The following RAI14 variants were observed in gnomAD, a reference collection of about 807,000 sequenced individuals.
The protein encoded by RAI14 is retinoic acid induced 14.
RAI14 carries 45 observed loss-of-function variants against 115.4 expected under a neutral mutation model. The observed-to-expected ratio is 0.39, with a 90% CI of 0.31 to 0.50. The LOEUF is 0.50. Ranked by LOEUF, RAI14 falls within the 20% of genes least tolerant of loss-of-function variation. The probability of loss-of-function intolerance (pLI) is 0.85; values close to 1 mark genes in which losing one functional copy is unlikely to be tolerated. For missense variants in RAI14, 939 were observed against 1,131.2 expected (o/e 0.83, Z 2.44); for synonymous variants, 371 against 415.4 (o/e 0.89, Z 1.30).
intron 3 of RAI14, 200 bp downstream of exon 3, chr5:34,757,798 A>G (rs985025062): frequency 3.9e-6 from 2 of 511,580 alleles, no homozygotes; most frequent in Non-Finnish European, 6.0e-6. Flanking sequence ...ATGGGTATAC[A>G]TGTTCCCAAG....
chr5:34,721,315 ATATAT>A, intron 2 of RAI14, among the ~76,000 whole-genome samples: 1 of 145,372 alleles, frequency 6.9e-6, no homozygotes, highest in East Asian at 2.0e-4. Flanking sequence ...ATATATATAT[ATATAT>A]ATATAGATGT....
At chr5:34,802,645 C>G (rs1015226334) in intron 4 of RAI14, among the ~76,000 whole-genome samples, 1 of 152,144 alleles carries the variant, frequency 6.6e-6, no homozygotes, top group Non-Finnish European at 1.5e-5. Flanking sequence ...ACAGGGGTGT[C>G]TGTCCTCACC....
intron 13 of RAI14, among the ~76,000 whole-genome samples, chr5:34,820,223 G>A (rs1356661808): frequency 6.6e-6 from 1 of 152,164 alleles, no homozygotes; most frequent in Non-Finnish European, 1.5e-5. Flanking sequence ...AAAAAGCATA[G>A]CATTAAAAAT....
intron 3 of RAI14, among the ~76,000 whole-genome samples, chr5:34,776,347 T>A (rs1561346911): frequency 6.6e-6 from 1 of 152,220 alleles, no homozygotes; most frequent in Non-Finnish European, 1.5e-5. Flanking sequence ...AGATCTCGTA[T>A]TTGATAGCAC....
At position 34,827,758 on chromosome 5, in the gene RAI14, C is replaced by T. The variant is rs117399957; in HGVS notation, c.2799+1279C>T. Among the ~76,000 whole-genome samples, 15 of 152,290 alleles carry T rather than the reference C, an allele frequency of 9.8e-5. No homozygotes were observed. Among genetic ancestry groups the T allele is most frequent in the East Asian group, 3.9e-4 (2 of 5,188 alleles). On this transcript the variant is annotated intron_variant, in intron 16 of 17. Transcript: ENST00000265109. The surrounding 1 kb of genome is among the most constrained non-coding windows in gnomAD (Gnocchi z 4.2). The stretch of plus-strand genomic sequence containing the variant: ...GTTTATACAGTAATTCTTATAATTA[C>T]GCAACATGTGTTTGTTGAGCTCTTA...
chr5:34,741,369 A>G (rs978935265), intron 2 of RAI14, among the ~76,000 whole-genome samples: 1 of 152,226 alleles, frequency 6.6e-6, no homozygotes, highest in Non-Finnish European at 1.5e-5. Flanking sequence ...GGAACCCAGA[A>G]TCCAGGCTCT....
chr5:34,722,064 G>A (rs533436203), intron 2 of RAI14, among the ~76,000 whole-genome samples: 21 of 151,996 alleles, frequency 1.4e-4, no homozygotes, highest in East Asian at 7.7e-4. Flanking sequence ...TTGGTGTCTC[G>A]CCCTGAAAGT....
chr5:34,756,466 C>T (rs1465423222), intron 2 of RAI14, among the ~76,000 whole-genome samples: 1 of 152,122 alleles, frequency 6.6e-6, no homozygotes, highest in African/African-American at 2.4e-5. Flanking sequence ...CCGAAGGGGC[C>T]AGAAAGTGGG....
intron 2 of RAI14, among the ~76,000 whole-genome samples, chr5:34,688,876 G>A (rs1412739157): frequency 6.6e-6 from 1 of 151,750 alleles, no homozygotes; most frequent in Non-Finnish European, 1.5e-5. Flanking sequence ...ATGTCCAGAG[G>A]TATACTAAGC....
At chr5:34,661,029 C>G (rs1048040626) in intron 1 of RAI14, among the ~76,000 whole-genome samples, 9 of 152,194 alleles carry the variant, frequency 5.9e-5, no homozygotes, top group African/African-American at 2.2e-4. Context: ...AAGGCACTTA[C>G]CACCTTCTAG....
intron 2 of RAI14, among the ~76,000 whole-genome samples, chr5:34,735,179 A>G (rs1208741285): frequency 6.6e-6 from 1 of 152,222 alleles, no homozygotes; most frequent in Non-Finnish European, 1.5e-5. Context: ...TGCTATATGC[A>G]TAGAAAAAAT....
intron 2 of RAI14, among the ~76,000 whole-genome samples, chr5:34,707,192 C>A (rs6892244): frequency 0.2 from 29,698 of 152,116 alleles, 3,526 homozygotes; most frequent in Non-Finnish European, 0.25. Flanking sequence ...CTTGGCTGGG[C>A]ACGGTGGCTC....
In RAI14 at chr5:34,826,389, G is replaced by A. The variant is rs149913347; in HGVS notation, c.2709G>A (p.Gln903=). The change falls in exon 16 of 18, where the codon CAG becomes CAA. Residue 903 remains glutamine, a synonymous_variant. Coordinates refer to ENST00000265109, the MANE Select transcript of RAI14 (RefSeq NM_015577.3). ...AGGAGGCCTTGAACAGCCTCTCCCA[G>A]CTCTCCTACTCAACAAGCTCATCCA... ...KLKEALNSLS[Q]LSYSTSSSKR... The A allele has an allele frequency of 6.2e-7, 1 of 1,613,934 alleles. No individual in the cohort carries two copies. Among genetic ancestry groups the A allele is most frequent in the Non-Finnish European group, 8.5e-7 (1 of 1,179,986 alleles).
At chr5:34,742,898 G>A (rs1246580952) in intron 2 of RAI14, among the ~76,000 whole-genome samples, 1 of 152,114 alleles carries the variant, frequency 6.6e-6, no homozygotes, top group Non-Finnish European at 1.5e-5. Context: ...TCCTGACCTC[G>A]TGATCCACCC....
intron 5 of RAI14, among the ~76,000 whole-genome samples, chr5:34,806,655 G>A (rs915572402): frequency 9.2e-5 from 14 of 152,094 alleles, no homozygotes; most frequent in African/African-American, 1.7e-4. Context: ...AAGCTGAATC[G>A]CTGGTTTCTG....
In RAI14 at chr5:34,830,068, C is replaced by G. The variant is rs546549946; in HGVS notation, c.2865+271C>G. Among the ~76,000 whole-genome samples the G allele has an allele frequency of 1.7e-4, 26 of 152,138 alleles. No individual in the cohort carries two copies. In the South Asian group the frequency reaches 5.4e-3, roughly 32 times the overall value. On this transcript the variant is annotated intron_variant, in intron 17 of 17. Transcript: ENST00000265109. ...TGGCATAATCTCGCCTCACTGCAGC[C>G]TCGACCCACGGGCTCAAGTGATCCT... is the stretch of plus-strand genomic sequence containing the variant.
intron 1 of RAI14, among the ~76,000 whole-genome samples, chr5:34,686,192 TAC>T (rs1289095652): frequency 6.6e-6 from 1 of 152,206 alleles, no homozygotes; most frequent in Non-Finnish European, 1.5e-5. Flanking sequence ...AACATAGAGA[TAC>T]AGCATTTTGT....
intron 2 of RAI14, among the ~76,000 whole-genome samples, chr5:34,751,671 C>A (rs72730564): frequency 2.0e-5 from 3 of 151,982 alleles, no homozygotes; most frequent in Non-Finnish European, 4.4e-5. Flanking sequence ...ATTTATCCGT[C>A]GTTTGTTATT....
At chr5:34,686,718 G>C (rs929078259) in intron 1 of RAI14, 154 bp from the exon 2 acceptor site, 3 of 400,288 alleles carry the variant, frequency 7.5e-6, no homozygotes, top group Non-Finnish European at 1.3e-5. Context: ...TATATCGTAA[G>C]TGGAAATATG....
Sources: allele counts gnomAD v4.1 joint callset (sites outside exome capture counted in the v4.1 genomes callset), GRCh38; gene constraint gnomAD v4.1.1; non-coding constraint Gnocchi (gnomAD v3.1); transcripts MANE v1.5; gene names NCBI Gene and HGNC (gene_info 2026-07-23, HGNC 2026-07-21).